The following EDARADD variants were observed in gnomAD, a reference collection of about 807,000 sequenced individuals.
EDARADD encodes the protein EDAR associated via death domain.
EDARADD carries 20 observed loss-of-function variants against 25.6 expected under a neutral mutation model. That is an observed-to-expected ratio of 0.78 (90% confidence interval 0.55 to 1.14). The LOEUF (loss-of-function observed/expected upper bound fraction) is 1.14. Among genes scored for constraint, EDARADD ranks in the 50% most tolerant of loss-of-function variants. The pLI, the probability that EDARADD is intolerant of heterozygous loss-of-function variation, is 0.00. For missense variants in EDARADD, 225 were observed against 270.1 expected (o/e 0.83, Z 1.17); for synonymous variants, 86 against 94.4 (o/e 0.91, Z 0.52).
At chr1:236,430,922 C>T (rs1658078141) in intron 4 of EDARADD, among the ~76,000 whole-genome samples, 1 of 152,132 alleles carries the variant, frequency 6.6e-6, no homozygotes, top group Admixed American at 6.5e-5. Flanking sequence ...TTAAGACCAG[C>T]CTGGCCAAGA....
chr1:236,373,926 T>C (rs1406021565), intron 3 of EDARADD, among the ~76,000 whole-genome samples: 1 of 152,262 alleles, frequency 6.6e-6, no homozygotes, highest in Non-Finnish European at 1.5e-5. Context: ...CCATGTGTTA[T>C]TCAGAAGTAT....
At chr1:236,455,223 AT>A (rs1330882704) in intron 4 of EDARADD, among the ~76,000 whole-genome samples, 5 of 148,524 alleles carry the variant, frequency 3.4e-5, no homozygotes, top group African/African-American at 1.2e-4. Flanking sequence ...AAAAAAAAAA[AT>A]AGTGGATGGA....
At chr1:236,352,771 C>T (rs1327553050) in intron 3 of EDARADD, among the ~76,000 whole-genome samples, 2 of 152,136 alleles carry the variant, frequency 1.3e-5, no homozygotes, top group Non-Finnish European at 2.9e-5. Context: ...TCGCTTGAAC[C>T]TGGAAGGTGG....
intron 4 of EDARADD, among the ~76,000 whole-genome samples, chr1:236,462,380 G>C (rs1423428849): frequency 6.6e-6 from 1 of 151,236 alleles, no homozygotes; most frequent in Non-Finnish European, 1.5e-5. Context: ...TGGAACCCTG[G>C]TGTGAGTGAC....
chr1:236,406,354 A>G (rs755252713), intron 1 of EDARADD, among the ~76,000 whole-genome samples: 3 of 152,224 alleles, frequency 2.0e-5, no homozygotes, highest in African/African-American at 7.2e-5. Context: ...AAGCATCGTC[A>G]TATGTCACTT....
rs886046187 is a variant in EDARADD, at chr1:236,482,749, C to T, written c.*100C>T. ...GTTTTATAAGAGTTTAGGACAAGGA[C>T]GTGGAACAGTGGACACTGGTTTTCC... On this transcript the variant is annotated 3_prime_UTR_variant, in exon 6 of 6. Coordinates refer to ENST00000334232, the MANE Select transcript of EDARADD (RefSeq NM_145861.4). 164 of 1,565,332 alleles carry T rather than the reference C, an allele frequency of 1.0e-4. 1 individual carries two copies. The highest frequency in any genetic ancestry group is 6.8e-4 in the Middle Eastern group (3 of 4,420).
intron 3 of EDARADD, among the ~76,000 whole-genome samples, chr1:236,376,816 G>C: frequency 6.6e-6 from 1 of 151,954 alleles, no homozygotes; most frequent in Non-Finnish European, 1.5e-5. Context: ...TAAACCTTTA[G>C]TAGTTGTCTT....
chr1:236,406,656 G>A (rs768547765), intron 1 of EDARADD, among the ~76,000 whole-genome samples: 1 of 152,206 alleles, frequency 6.6e-6, no homozygotes, highest in Non-Finnish European at 1.5e-5. Context: ...TACATGATCT[G>A]TCCTGTGACT....
rs1042675943 is a variant in EDARADD at position 236,360,311 on chromosome 1, T to A, written c.-6+9472T>A. ...CTCCAGCCTGGACAACAGAGCTAGATCCTGTCTTAAAAAAAAAAAGAAGAA... is the reference window on the plus strand; with the variant it reads ...CTCCAGCCTGGACAACAGAGCTAGAACCTGTCTTAAAAAAAAAAAGAAGAA... On this transcript the variant is annotated intron_variant, in intron 3 of 7. Transcript: ENST00000439430. Among the ~76,000 whole-genome samples the A allele has an allele frequency of 4.0e-5, 6 of 151,074 alleles. No individual in the cohort carries two copies. The South Asian group carries it at 1.3e-3, about 32-fold the overall frequency.
upstream of EDARADD, among the ~76,000 whole-genome samples, chr1:236,390,533 A>G (rs1409468148): frequency 6.6e-6 from 1 of 152,236 alleles, no homozygotes; most frequent in South Asian, 2.1e-4. Flanking sequence ...AGCCTGGGGG[A>G]CAGAGCGAGA....
At chr1:236,438,998 C>T (rs1658335626) in intron 4 of EDARADD, among the ~76,000 whole-genome samples, 1 of 152,210 alleles carries the variant, frequency 6.6e-6, no homozygotes, top group South Asian at 2.1e-4. Flanking sequence ...TGAGCTCCAC[C>T]CATTCATCTC....
Position 236,350,045 on chromosome 1 carries a change from G to A in EDARADD, c.-141-659G>A, listed in dbSNP as rs928082996. On this transcript the variant is annotated intron_variant, in intron 2 of 7. Transcript: ENST00000439430. Reference sequence around the variant, plus strand: ...GAGGATTGCTTGAACCCAGGAGGCAGAGGTTGCAGTGAGCCGTGCCACTGC... The same window carrying A: ...GAGGATTGCTTGAACCCAGGAGGCAAAGGTTGCAGTGAGCCGTGCCACTGC... Among the ~76,000 whole-genome samples the A allele has an allele frequency of 2.6e-5, 4 of 152,280 alleles. No individual in the cohort carries two copies. In the South Asian group the frequency reaches 8.3e-4, roughly 32 times the overall value.
intron 4 of EDARADD, among the ~76,000 whole-genome samples, chr1:236,451,169 A>G (rs1658701384): frequency 6.6e-6 from 1 of 152,142 alleles, no homozygotes; most frequent in African/African-American, 2.4e-5. Flanking sequence ...GATAGAATCT[A>G]CTATCTTGAT....
intron 3 of EDARADD, among the ~76,000 whole-genome samples, chr1:236,368,366 T>A (rs1431901027): frequency 1.3e-5 from 2 of 152,118 alleles, no homozygotes; most frequent in African/African-American, 4.8e-5. Context: ...CGATTTCTCA[T>A]TGTATAACCA....
chr1:236,388,079 A>G (rs1205876040), intron 3 of EDARADD, among the ~76,000 whole-genome samples: 1 of 152,172 alleles, frequency 6.6e-6, no homozygotes, highest in African/African-American at 2.4e-5. Flanking sequence ...ATCTATCCAA[A>G]GCTTACTTTT....
chr1:236,440,799 C>G (rs1351214600), intron 4 of EDARADD, among the ~76,000 whole-genome samples: 1 of 152,098 alleles, frequency 6.6e-6, no homozygotes. Flanking sequence ...AGACAGTGAA[C>G]TTAACTGATA....
intron 3 of EDARADD, among the ~76,000 whole-genome samples, chr1:236,418,468 C>A (rs1657699748): frequency 6.6e-6 from 1 of 151,104 alleles, no homozygotes; most frequent in Non-Finnish European, 1.5e-5. Flanking sequence ...TGGTCTCGAA[C>A]TCCTGACCTC....
In EDARADD at chr1:236,415,210, G is replaced by A. The variant is rs563132692; in HGVS notation, c.160+911G>A. Among the ~76,000 whole-genome samples, 63 of 152,308 alleles carry A rather than the reference G, an allele frequency of 4.1e-4. 1 individual carries two copies. The highest frequency in any genetic ancestry group is 6.8e-3 in the Middle Eastern group (2 of 294). The stretch of plus-strand genomic sequence containing the variant: ...AGGATGGAGGACATTGGCCAGGTCT[G>A]AGCCTTGAGATCGGGTCGGGGAGGA... On this transcript the variant is annotated intron_variant, in intron 3 of 5. Transcript: ENST00000334232.
intron 3 of EDARADD, among the ~76,000 whole-genome samples, chr1:236,375,669 A>AAAT (rs1281169220): frequency 6.6e-6 from 1 of 150,918 alleles, no homozygotes; most frequent in Non-Finnish European, 1.5e-5. Context: ...AAAAAAAAAA[A>AAAT]AAAAGATAAA....
Sources: gnomAD v4.1 joint callset for allele counts (sites outside exome capture counted in the v4.1 genomes callset) on GRCh38, gnomAD v4.1.1 for gene constraint, MANE v1.5 for transcripts, NCBI Gene and HGNC (gene_info 2026-07-23, HGNC 2026-07-21) for gene names.